The following DOCK4 variants were observed in gnomAD, a reference collection of about 807,000 sequenced individuals.
DOCK4 encodes the protein dedicator of cytokinesis protein 4.
A neutral mutation model predicts 268.1 loss-of-function variants in DOCK4; 97 were observed. The ratio of observed to expected loss-of-function variants is 0.36; its 90% CI spans 0.31 to 0.43. The LOEUF (loss-of-function observed/expected upper bound fraction) is 0.43. DOCK4 is among the 20% of genes least tolerant of loss of function. DOCK4 has a pLI of 1.00. For missense variants in DOCK4, 2,145 were observed against 2,455.7 expected (o/e 0.87, Z 2.67); for synonymous variants, 954 against 887.2 (o/e 1.08, Z -1.34).
intron 1 of DOCK4, among the ~76,000 whole-genome samples, chr7:112,177,447 T>C (rs1158342523): frequency 6.6e-6 from 1 of 152,224 alleles, no homozygotes; most frequent in Non-Finnish European, 1.5e-5. Context: ...TGTTAAAATA[T>C]CTTTATGGAT....
chr7:111,973,025 G>C (rs528124760), intron 8 of DOCK4, among the ~76,000 whole-genome samples: 2 of 151,404 alleles, frequency 1.3e-5, no homozygotes, highest in South Asian at 2.1e-4. Flanking sequence ...TCCAACTTAT[G>C]AGTGAGAACA....
chr7:111,853,441 A>G (rs1271023734), intron 23 of DOCK4, among the ~76,000 whole-genome samples: 2 of 152,220 alleles, frequency 1.3e-5, no homozygotes, highest in Non-Finnish European at 2.9e-5. Context: ...AGAAAGCCTG[A>G]CATCAGAGCT....
At chr7:111,917,816 A>G (rs1792744539) in intron 12 of DOCK4, among the ~76,000 whole-genome samples, 1 of 152,210 alleles carries the variant, frequency 6.6e-6, no homozygotes, top group Non-Finnish European at 1.5e-5. Context: ...TTCTCTCAAT[A>G]ATGCACAGAT....
In DOCK4 at chr7:111,846,999, T is replaced by G; in HGVS notation, c.2601A>C (p.Ser867=). ...NVFCLIKKNS[S]EKSVLEEIDV... The stretch of plus-strand genomic sequence containing the variant: ...TATACTATGACCTGTATTTACTTAC[T>G]GAGCTATTTTTCTTGATAAGACAAA... Residue 867 remains serine, a splice_region_variant and synonymous_variant, in exon 24 of 53, where the codon TCA becomes TCC. Coordinates refer to ENST00000428084, the MANE Select transcript of DOCK4 (RefSeq NM_001363540.2). 6.2e-7 allele frequency: 1 copy of G among 1,613,608 alleles called. No individual in the cohort carries two copies.
At chr7:112,141,779 AATG>A (rs1254569539) in intron 1 of DOCK4, among the ~76,000 whole-genome samples, 1 of 152,154 alleles carries the variant, frequency 6.6e-6, no homozygotes, top group Non-Finnish European at 1.5e-5. Context: ...AATAAATGAC[AATG>A]AACAGCCTGC....
chr7:111,952,074 T>G (rs1199709346), intron 8 of DOCK4, among the ~76,000 whole-genome samples: 3 of 143,390 alleles, frequency 2.1e-5, no homozygotes, highest in Non-Finnish European at 4.5e-5. Context: ...CTGGGCAAGA[T>G]AGCAAAGTCC....
At chr7:112,125,922 C>A (rs1051840922) in intron 1 of DOCK4, among the ~76,000 whole-genome samples, 18 of 152,044 alleles carry the variant, frequency 1.2e-4, no homozygotes, top group African/African-American at 4.1e-4. Flanking sequence ...GATTATCTCA[C>A]CTCAGCCTCC....
chr7:112,011,798 C>G (rs1460040716), intron 1 of DOCK4, among the ~76,000 whole-genome samples: 1 of 148,590 alleles, frequency 6.7e-6, no homozygotes, highest in African/African-American at 2.5e-5. Context: ...ATTGCATCCA[C>G]CTATCCATAC....
chr7:112,068,957 T>C (rs76802020), intron 1 of DOCK4, among the ~76,000 whole-genome samples: 5,783 of 152,304 alleles, frequency 0.038, 375 homozygotes, highest in African/African-American at 0.13. Flanking sequence ...GAAATATTAA[T>C]GAATGATATC....
At chr7:112,051,011 A>C (rs1041692797) in intron 1 of DOCK4, among the ~76,000 whole-genome samples, 4 of 152,156 alleles carry the variant, frequency 2.6e-5, no homozygotes, top group Non-Finnish European at 4.4e-5. Context: ...TCTAAGAGTA[A>C]AATATGGCCA....
chr7:112,140,864 G>C (rs1356312018), intron 1 of DOCK4, among the ~76,000 whole-genome samples: 1 of 152,156 alleles, frequency 6.6e-6, no homozygotes, highest in East Asian at 1.9e-4. Flanking sequence ...TAAAGATGGA[G>C]ATGTTTTCAG....
At chr7:112,035,309 T>A (rs955376838) in intron 1 of DOCK4, among the ~76,000 whole-genome samples, 23 of 151,492 alleles carry the variant, frequency 1.5e-4, no homozygotes, top group African/African-American at 5.6e-4. Flanking sequence ...ATTATAAAAA[T>A]ATACTACAAA....
At chr7:111,740,051 A>G in intron 47 of DOCK4, 4 of 392,254 alleles carry the variant, frequency 1.0e-5, no homozygotes, top group South Asian at 7.1e-5. Flanking sequence ...AAACTTTCTG[A>G]TATGTACATA....
intron 1 of DOCK4, among the ~76,000 whole-genome samples, 156 bp downstream of exon 1, chr7:112,205,946 G>C (rs1821369925): frequency 6.6e-6 from 1 of 152,184 alleles, no homozygotes; most frequent in Non-Finnish European, 1.5e-5. Context: ...GCAGCCCTCT[G>C]CCTGGAGCTG....
chr7:111,981,296 A>C (rs1354664575), intron 7 of DOCK4, among the ~76,000 whole-genome samples: 1 of 152,234 alleles, frequency 6.6e-6, no homozygotes, highest in East Asian at 1.9e-4. Context: ...TCCCTGGTGA[A>C]ATCAACAGTC....
In DOCK4 at chr7:111,748,639, C is replaced by T. The variant is rs559823979; in HGVS notation, c.4417-1196G>A. On this transcript the variant is annotated intron_variant, in intron 42 of 52. Transcript: ENST00000428084. The stretch of plus-strand genomic sequence containing the variant: ...AGAGTGAGACTGTGAGCAACGGACT[C>T]TCAATTACTGCTACTGGAAGTTCAA... Among the ~76,000 whole-genome samples the T allele has an allele frequency of 2.0e-4, 30 of 152,230 alleles. No individual in the cohort carries two copies. The South Asian group carries it at 6.0e-3, about 31-fold the overall frequency.
At chr7:111,776,926 T>G (rs951571024) in intron 36 of DOCK4, among the ~76,000 whole-genome samples, 1 of 152,102 alleles carries the variant, frequency 6.6e-6, no homozygotes, top group African/African-American at 2.4e-5. Flanking sequence ...GCTCAAGTGA[T>G]CCACCTCAGC....
chr7:111,953,996 T>C (rs923079643), intron 8 of DOCK4, among the ~76,000 whole-genome samples: 3 of 152,240 alleles, frequency 2.0e-5, no homozygotes, highest in Non-Finnish European at 4.4e-5. Context: ...CTATATAAGC[T>C]GGAATTCAAA....
intron 49 of DOCK4, 117 bp from the exon 50 acceptor site, chr7:111,737,106 A>G: frequency 1.2e-6 from 1 of 812,746 alleles, no homozygotes; most frequent in Non-Finnish European, 2.0e-6. Flanking sequence ...TTTTTGTGTG[A>G]TATGATGAGC....
Sources: allele counts gnomAD v4.1 joint callset (sites outside exome capture counted in the v4.1 genomes callset), GRCh38; gene constraint gnomAD v4.1.1; transcripts MANE v1.5; gene names NCBI Gene and HGNC (gene_info 2026-07-23, HGNC 2026-07-21).